ST3GAL5: variants seen among roughly 807,000 people sequenced by gnomAD.
ST3GAL5 encodes ST3 beta-galactoside alpha-2,3-sialyltransferase 5, also known as lactosylceramide alpha-2,3-sialyltransferase.
A neutral mutation model predicts 46.1 loss-of-function variants in ST3GAL5; 25 were observed. The ratio of observed to expected loss-of-function variants is 0.54; its 90% confidence interval spans 0.40 to 0.76. The LOEUF (loss-of-function observed/expected upper bound fraction) is 0.76. Among genes scored for constraint, ST3GAL5 ranks in the 30% least tolerant of loss-of-function variants. ST3GAL5 has a pLI of 0.00. For synonymous variants in ST3GAL5, 182 were observed against 192.7 expected (o/e 0.94, Z 0.46); for missense variants, 431 against 521.2 (o/e 0.83, Z 1.69).
chr2:85,848,266 C>T (rs1403657879), intron 3 of ST3GAL5, 62 bp from the exon 4 acceptor site: 2 of 1,612,800 alleles, frequency 1.2e-6, no homozygotes, highest in African/African-American at 1.3e-5. Context: ...ATATACTCTT[C>T]TAGATGACAA....
intron 1 of ST3GAL5, among the ~76,000 whole-genome samples, chr2:85,883,085 G>A (rs1380884690): frequency 6.6e-6 from 1 of 152,126 alleles, no homozygotes; most frequent in African/African-American, 2.4e-5. Context: ...TGTTGAGAAG[G>A]CACGATTGGT....
At chr2:85,869,689 A>C (rs1685697379) in intron 1 of ST3GAL5, among the ~76,000 whole-genome samples, 1 of 152,196 alleles carries the variant, frequency 6.6e-6, no homozygotes, top group African/African-American at 2.4e-5. Flanking sequence ...TGGAGGTGCA[A>C]AATAAAGGAT....
At chr2:85,850,274 C>G (rs544814721) in intron 3 of ST3GAL5, 1 of 152,346 alleles carries the variant, frequency 6.6e-6, no homozygotes, top group Non-Finnish European at 1.5e-5. Flanking sequence ...CACTATGGCA[C>G]CTTGCAAGAC....
intron 1 of ST3GAL5, among the ~76,000 whole-genome samples, chr2:85,879,969 A>G (rs1686973497): frequency 6.6e-6 from 1 of 152,228 alleles, no homozygotes; most frequent in South Asian, 2.1e-4. Flanking sequence ...ATCACCAAAT[A>G]GGATCTTAGA....
At chr2:85,879,123 G>A (rs1686888684) in intron 1 of ST3GAL5, among the ~76,000 whole-genome samples, 1 of 152,146 alleles carries the variant, frequency 6.6e-6, no homozygotes, top group South Asian at 2.1e-4. Context: ...GCTCATACTG[G>A]CATGAAAGAG....
At chr2:85,848,300 G>C in intron 3 of ST3GAL5, 96 bp from the exon 4 acceptor site, 3 of 1,611,170 alleles carry the variant, frequency 1.9e-6, no homozygotes, top group Non-Finnish European at 2.5e-6. Flanking sequence ...GTCTGATGTA[G>C]CTCCCGTGTT....
chr2:85,840,078 A>G lies in ST3GAL5; in HGVS notation c.*66T>C. 1 of 1,611,724 alleles carries G rather than the reference A, an allele frequency of 6.2e-7. No individual in the cohort carries two copies. The highest frequency in any genetic ancestry group is 8.5e-7 in the Non-Finnish European group (1 of 1,178,420). Reference sequence around the variant, plus strand: ...AAGTATCTGCAGGATGGAGAAATACATCAAGAAGGCTGTCAAAAACAGCTC... The same window carrying G: ...AAGTATCTGCAGGATGGAGAAATACGTCAAGAAGGCTGTCAAAAACAGCTC... On this transcript the variant is annotated 3_prime_UTR_variant, in exon 7 of 7. Coordinates refer to ENST00000638572, the MANE Select transcript of ST3GAL5 (RefSeq NM_003896.4).
intron 1 of ST3GAL5, among the ~76,000 whole-genome samples, chr2:85,879,317 C>T (rs1056443744): frequency 6.6e-6 from 1 of 152,206 alleles, no homozygotes; most frequent in African/African-American, 2.4e-5. Flanking sequence ...AGCCAAGACC[C>T]ATCCTGTGTA....
chr2:85,861,359 GA>G, intron 2 of ST3GAL5, 67 bp from the exon 3 acceptor site: 1 of 1,046,988 alleles, frequency 9.6e-7, no homozygotes, highest in Non-Finnish European at 1.5e-6. Context: ...ATGTGAAACT[GA>G]AAACGGAATC....
At chr2:85,852,346 C>G (rs942730654) in intron 3 of ST3GAL5, among the ~76,000 whole-genome samples, 2 of 152,146 alleles carry the variant, frequency 1.3e-5, no homozygotes, top group Non-Finnish European at 2.9e-5. Context: ...GTCGCTTCTT[C>G]GCAGGTTGCT....
intron 2 of ST3GAL5, among the ~76,000 whole-genome samples, chr2:85,862,991 C>G (rs569661345): frequency 2.0e-5 from 3 of 152,124 alleles, no homozygotes; most frequent in Non-Finnish European, 4.4e-5. Context: ...TATTCAAGGG[C>G]CTTCAGGGAA....
rs563551528 is a variant in ST3GAL5, at chr2:85,839,442, T to A, written c.*702A>T. On this transcript the variant is annotated 3_prime_UTR_variant, in exon 7 of 7. Coordinates refer to ENST00000638572, the MANE Select transcript of ST3GAL5 (RefSeq NM_003896.4). ...AGGGCAGTAAAAAATCCCCAAGGAA[T>A]TCAAGAATTGTAATAATTGCTGGGA... 6.5e-6 allele frequency: 1 copy of A among 153,390 alleles called. No individual in the cohort carries two copies. The highest frequency in any genetic ancestry group is 1.9e-4 in the East Asian group (1 of 5,188). The allele number at this position is 153,390 out of a possible 1,614,324, so 9.5% of individuals were successfully genotyped here. A position where few individuals can be genotyped will look rare whatever the true frequency, so the allele number is the denominator to read the frequency against.
intron 1 of ST3GAL5, among the ~76,000 whole-genome samples, chr2:85,873,499 A>G (rs1233336864): frequency 1.3e-5 from 2 of 152,156 alleles, no homozygotes; most frequent in African/African-American, 4.8e-5. Context: ...CTGAGGGGCT[A>G]CCACAGCACT....
At chr2:85,856,768 G>A (rs981044669) in intron 3 of ST3GAL5, among the ~76,000 whole-genome samples, 1 of 151,278 alleles carries the variant, frequency 6.6e-6, no homozygotes, top group Non-Finnish European at 1.5e-5. Context: ...TGATGTCTTG[G>A]TATGTTGCCC....
chr2:85,851,434 G>C (rs1006747580), intron 3 of ST3GAL5: 21 of 1,217,180 alleles, frequency 1.7e-5, no homozygotes, highest in Non-Finnish European at 2.2e-5. Flanking sequence ...GGCTTTTTCT[G>C]TAGAGAGCTC....
chr2:85,874,029 T>C (rs1333721626), intron 1 of ST3GAL5, among the ~76,000 whole-genome samples: 1 of 152,160 alleles, frequency 6.6e-6, no homozygotes, highest in Non-Finnish European at 1.5e-5. Context: ...ATTTTCAGAT[T>C]CTCCTACAAA....
intron 1 of ST3GAL5, among the ~76,000 whole-genome samples, chr2:85,874,836 C>T (rs1686343808): frequency 6.6e-6 from 1 of 151,408 alleles, no homozygotes; most frequent in Non-Finnish European, 1.5e-5. Flanking sequence ...AAATTCACCA[C>T]GGTCCTAACA....
chr2:85,840,684 G>A (rs1304755527), intron 6 of ST3GAL5, among the ~76,000 whole-genome samples: 2 of 152,056 alleles, frequency 1.3e-5, no homozygotes, highest in Non-Finnish European at 2.9e-5. Context: ...GGTGGCTCAC[G>A]CCTGTAATCC....
At position 85,885,856 on chromosome 2, in the gene ST3GAL5, A is replaced by C. The variant is rs1244848383; in HGVS notation, c.82+2968T>G. ...AAAAAAGAAAAAAAAAACTGGAGTA[A>C]AATAGCTGTGCCTGTGGCTCCTAAA... On this transcript the variant is annotated intron_variant, in intron 1 of 6. Transcript: ENST00000638572. 3.3e-5 allele frequency among the ~76,000 whole-genome samples: 5 copies of C among 152,100 alleles called. No individual in the cohort carries two copies. The East Asian group carries it at 9.6e-4, about 29-fold the overall frequency.
Sources: gnomAD v4.1 joint callset for allele counts (sites outside exome capture counted in the v4.1 genomes callset) on GRCh38, gnomAD v4.1.1 for gene constraint, MANE v1.5 for transcripts, NCBI Gene and HGNC (gene_info 2026-07-23, HGNC 2026-07-21) for gene names.